Variants in TCOF1 observed in about 807,000 individuals in gnomAD.
TCOF1 encodes the protein treacle protein.
Under a neutral mutation model 149.0 loss-of-function variants are expected in TCOF1, and 33 were observed. That is an observed-to-expected ratio of 0.22 (90% CI 0.17 to 0.30). The LOEUF is 0.30. Among genes scored for constraint, TCOF1 ranks in the 10% least tolerant of loss-of-function variants. The probability of loss-of-function intolerance (pLI) is 1.00; values close to 1 mark genes in which losing one functional copy is unlikely to be tolerated. For synonymous variants in TCOF1, 789 were observed against 738.8 expected, an observed-to-expected ratio of 1.07 and a Z score of -1.10; for missense variants, 1,728 against 1,840.7, an observed-to-expected ratio of 0.94 and a Z score of 1.12.
chr5:150,376,973 C>T (rs561449514), intron 14 of TCOF1, among the ~76,000 whole-genome samples: 2 of 152,116 alleles, frequency 1.3e-5, no homozygotes, highest in African/African-American at 2.4e-5. Context: ...CAGTGTGGAG[C>T]GATGGGGTTG....
Position 150,389,762 on chromosome 5 carries a change from A to C in TCOF1, c.3047-125A>C, listed in dbSNP as rs1156887495. The C allele has an allele frequency of 2.3e-5, 35 of 1,544,168 alleles. No individual in the cohort carries two copies. The South Asian group carries it at 3.4e-4, about 15-fold the overall frequency. ...TGGAGAGGGAAGTAAACAAGCTTCT[A>C]CCTCTGTAAGCCCTGAGCACAGCTC... On this transcript the variant is annotated intron_variant, in intron 18 of 26. Coordinates refer to ENST00000643257, the MANE Select transcript of TCOF1 (RefSeq NM_001371623.1).
At position 150,368,849 on chromosome 5, in the gene TCOF1, C is replaced by T. The variant is rs1263145944; in HGVS notation, c.512C>T (p.Ser171Leu). Residue 171 changes from serine (S) to leucine (L), a missense_variant, in exon 5 of 27, where the codon TCA becomes TTA. By Grantham distance (145) the Ser-to-Leu change is moderately radical. Around this residue, in one of 2 missense-constraint regions of TCOF1, gnomAD observed 1,696 missense variants for 1,765.4 expected, o/e 0.96. Transcript: ENST00000643257. Reference protein sequence around the residue: ...AEPSANTTLVSETEEEGSVPA... With the variant: ...AEPSANTTLVLETEEEGSVPA... Reference sequence around the variant, plus strand: ...CCCTCAGCAAATACTACGTTGGTCTCAGAAACTGAGGAGGAGGGCAGCGTC... The same window carrying T: ...CCCTCAGCAAATACTACGTTGGTCTTAGAAACTGAGGAGGAGGGCAGCGTC... The T allele has an allele frequency of 2.5e-6, 4 of 1,614,008 alleles. No individual in the cohort carries two copies. The highest frequency in any genetic ancestry group is 3.4e-6 in the Non-Finnish European group (4 of 1,180,038).
At chr5:150,393,710 A>T (rs976527413) in intron 23 of TCOF1, 158 bp downstream of exon 23, 23 of 995,850 alleles carry the variant, frequency 2.3e-5, no homozygotes, top group Non-Finnish European at 3.4e-5. Flanking sequence ...GGACCTGAAG[A>T]TGCTCATCAA....
intron 2 of TCOF1, 63 bp downstream of exon 2, chr5:150,361,274 A>G: frequency 6.3e-7 from 1 of 1,584,462 alleles, no homozygotes; most frequent in South Asian, 1.1e-5. Context: ...AGCTTGGAAT[A>G]AGCTGGGATA....
At chr5:150,372,325 G>A (rs1357781139) in intron 7 of TCOF1, 89 bp downstream of exon 7, 3 of 1,166,908 alleles carry the variant, frequency 2.6e-6, no homozygotes, top group South Asian at 2.9e-5. Context: ...TGCCACTGGA[G>A]TTGGGGAGAG....
rs754290267 is a variant in TCOF1 at position 150,379,743 on chromosome 5, C to A, written c.2859+11C>A. The A allele has an allele frequency of 3.1e-6, 5 of 1,612,788 alleles. No individual in the cohort carries two copies. The highest frequency in any genetic ancestry group is 4.2e-6 in the Non-Finnish European group (5 of 1,179,444). On this transcript the variant is annotated intron_variant, in intron 17 of 26. Coordinates refer to ENST00000643257, the MANE Select transcript of TCOF1 (RefSeq NM_001371623.1). ...GTGACCTCTGCCCAGGTAAGACTTG[C>A]CAGGCCTCTGAGCCACCAACACTCA...
chr5:150,382,355 C>T (rs151085123), intron 17 of TCOF1, among the ~76,000 whole-genome samples: 104 of 146,946 alleles, frequency 7.1e-4, no homozygotes, highest in African/African-American at 2.3e-3. Flanking sequence ...CAGATGGGGG[C>T]ATGGCTGTTA....
chr5:150,383,732 G>A lies in TCOF1; in HGVS notation c.2859+4000G>A, dbSNP rs1252425742. ...GGCTCCCTGTATCTCTCTGTTTTCT[G>A]TTTAGGACCAGGAGTCTTCTTGAAT... On this transcript the variant is annotated intron_variant, in intron 17 of 26. Transcript: ENST00000643257. 11 of 1,551,716 alleles carry A rather than the reference G, an allele frequency of 7.1e-6. No individual in the cohort carries two copies. In the South Asian group the frequency reaches 1.1e-4, roughly 15 times the overall value.
rs1763510385 is a variant in TCOF1, at chr5:150,375,329, TGTCTCCCAGGTGAA to T, written c.1489-8_1494del. On this transcript the variant is annotated splice_acceptor_variant and splice_polypyrimidine_tract_variant and coding_sequence_variant and intron_variant, in exon 11 of 27. Coordinates refer to ENST00000643257, the MANE Select transcript of TCOF1 (RefSeq NM_001371623.1). LOFTEE classifies it high-confidence loss of function. ...ACTCCCTCCCTAATCTTGTCCTTTG[TGTCTCCCAGGTGAA>T]GCCCTTGGGGAAAAGCCCCCAGGTG... The T allele has an allele frequency of 6.2e-7, 1 of 1,610,576 alleles. No individual in the cohort carries two copies. The highest frequency in any genetic ancestry group is 8.5e-7 in the Non-Finnish European group (1 of 1,178,710).
intron 2 of TCOF1, among the ~76,000 whole-genome samples, chr5:150,362,903 C>T (rs539922782): frequency 1.3e-5 from 2 of 152,312 alleles, no homozygotes; most frequent in African/African-American, 4.8e-5. Flanking sequence ...CTCAAACCCA[C>T]GAAAGGCAGC....
At chr5:150,389,747 A>C in intron 18 of TCOF1, 140 bp from the exon 19 acceptor site, 3 of 1,473,214 alleles carry the variant, frequency 2.0e-6, no homozygotes, top group Non-Finnish European at 2.8e-6. Context: ...TGGAGAGGGA[A>C]GTAAACAAGC....
At chr5:150,382,642 G>A (rs1247512948) in intron 17 of TCOF1, among the ~76,000 whole-genome samples, 1 of 152,178 alleles carries the variant, frequency 6.6e-6, no homozygotes, top group Non-Finnish European at 1.5e-5. Flanking sequence ...CCAACAGGAG[G>A]GGATGGTAGC....
chr5:150,391,279 A>C (rs1277633591), intron 19 of TCOF1, among the ~76,000 whole-genome samples: 1 of 152,238 alleles, frequency 6.6e-6, no homozygotes, highest in African/African-American at 2.4e-5. Context: ...GGGGTCCACC[A>C]GGTTGGAGAT....
Position 150,375,790 on chromosome 5 carries a change from G to A in TCOF1, c.1774G>A (p.Ala592Thr), listed in dbSNP as rs1226811976. ...SSPAKGPPQK[A>T]GPVAVQVKAE... ...TCCTGCCAAGGGGCCCCCTCAGAAG[G>A]CAGGGCCTGTAGCCGTCCAGGTCAA... The change falls in exon 12 of 27, where the codon GCA (alanine) becomes ACA (threonine). Residue 592 changes from alanine (A) to threonine (T), a missense_variant. Physicochemically the swap from Ala to Thr is moderately conservative, Grantham distance 58. Around this residue, in one of 2 missense-constraint regions of TCOF1, gnomAD observed 1,696 missense variants for 1,765.4 expected, o/e 0.96. Transcript: ENST00000643257. 1.2e-6 allele frequency: 2 copies of A among 1,614,130 alleles called. No homozygotes were observed. The highest frequency in any genetic ancestry group is 1.7e-6 in the Non-Finnish European group (2 of 1,180,054).
At chr5:150,380,023 G>T in intron 17 of TCOF1, 1 of 388,700 alleles carries the variant, frequency 2.6e-6, no homozygotes, top group South Asian at 2.1e-5. Flanking sequence ...AGCAAGCCAA[G>T]ATCATGCCAC....
chr5:150,391,766 T>C, intron 20 of TCOF1, 109 bp downstream of exon 20: 1 of 1,261,280 alleles, frequency 7.9e-7, no homozygotes, highest in Admixed American at 2.0e-5. Flanking sequence ...TGCACTTGGT[T>C]TGCCTCCCTC....
chr5:150,365,710 T>C (rs894557032), intron 3 of TCOF1, among the ~76,000 whole-genome samples: 1 of 152,128 alleles, frequency 6.6e-6, no homozygotes, highest in African/African-American at 2.4e-5. Context: ...GTTTGTTTGT[T>C]TGGGGCTTTT....
In TCOF1 at chr5:150,399,968, G is replaced by GA. The variant is rs1401699024; in HGVS notation, c.*182dup. ...CTGGCCAAGCCAGTGAGCCTGCGGG[G>GA]AGGCTGGTCCAAGGAGAAAGTGGAC... On this transcript the variant is annotated 3_prime_UTR_variant, in exon 27 of 27. Coordinates refer to ENST00000643257, the MANE Select transcript of TCOF1 (RefSeq NM_001371623.1). The GA allele has an allele frequency of 6.6e-6, 1 of 152,492 alleles. No individual in the cohort carries two copies. The highest frequency in any genetic ancestry group is 2.4e-5 in the African/African-American group (1 of 41,438). The allele number at this position is 152,492 out of a possible 1,614,324, so 9.4% of individuals were successfully genotyped here. A position where few individuals can be genotyped will look rare whatever the true frequency, so the allele number is the denominator to read the frequency against.
rs1251713514 is a variant in TCOF1, at chr5:150,391,826, TGGAA to T, written c.3298-127_3298-124del. The T allele has an allele frequency of 4.1e-5, 49 of 1,182,720 alleles. No individual in the cohort carries two copies. The Admixed American group carries it at 7.9e-4, about 19-fold the overall frequency. 73.3% of individuals were successfully genotyped at this position (1,182,720 alleles called of 1,614,324 possible). ...AAGGAATTACAGTACCTTTCGTAGT[TGGAA>T]GGATCAAATGAGGCTGCATGTGTGC... On this transcript the variant is annotated intron_variant, in intron 20 of 26. Coordinates refer to ENST00000643257, the MANE Select transcript of TCOF1 (RefSeq NM_001371623.1).
Sources: allele counts gnomAD v4.1 joint callset (sites outside exome capture counted in the v4.1 genomes callset), GRCh38; gene constraint gnomAD v4.1.1; regional missense constraint gnomAD v4.1.1; transcripts MANE v1.5; gene names NCBI Gene and HGNC (gene_info 2026-07-23, HGNC 2026-07-21).